LEMD2: variants seen among roughly 807,000 people sequenced by gnomAD.
LEMD2 encodes LEM domain-containing protein 2.
Under a neutral mutation model 58.8 loss-of-function variants are expected in LEMD2, and 34 were observed. The ratio of observed to expected loss-of-function variants is 0.58; its 90% CI spans 0.44 to 0.77. The LOEUF is 0.77. Ranked by LOEUF, LEMD2 falls within the 30% of genes least tolerant of loss-of-function variation. The probability of loss-of-function intolerance (pLI) is 0.00; values close to 1 mark genes in which losing one functional copy is unlikely to be tolerated. For missense variants in LEMD2, 629 were observed against 717.9 expected (o/e 0.88, Z 1.42); for synonymous variants, 298 against 308.9 (o/e 0.96, Z 0.37).
At chr6:33,787,105 T>C in intron 1 of LEMD2, 1 of 326,538 alleles carries the variant, frequency 3.1e-6, no homozygotes, top group Non-Finnish European at 5.6e-6. Context: ...CTCAGGGAGT[T>C]AGGCCCAAAC....
chr6:33,776,720 TTC>T, intron 8 of LEMD2: 1 of 549,586 alleles, frequency 1.8e-6, no homozygotes, highest in Admixed American at 3.1e-5. Context: ...ACTGCCAGTG[TTC>T]TCTCTACAGA....
chr6:33,777,226 C>T lies in LEMD2; in HGVS notation c.1170G>A (p.Leu390=). The T allele has an allele frequency of 6.2e-7, 1 of 1,613,700 alleles. No homozygotes were observed. Among genetic ancestry groups the T allele is most frequent in the South Asian group, 1.1e-5 (1 of 91,074 alleles). ...VLIFFWCLAF[L]WGLLILLKYR... ...ATTTTAGGAGAATTAGGAGCCCCCA[C>T]AAAAAAGCCAAGCCTGTGAGGGAAC... Residue 390 remains leucine (L), a synonymous_variant, in exon 7 of 9, where the codon TTG becomes TTA. Transcript: ENST00000293760.
In LEMD2 at chr6:33,789,096, C is replaced by A; in HGVS notation, c.21G>T (p.Leu7=). ...GGGCCTGCAGCTCCCGCCGCAGTTC[C>A]AGGTCCGACAGGCCGGCCATGGCCA... MAGLSD[L]ELRRELQALG... Residue 7 remains leucine (L), a synonymous_variant, in exon 1 of 9, where the codon CTG becomes CTT. Transcript: ENST00000293760. The A allele has an allele frequency of 6.5e-7, 1 of 1,537,404 alleles. No homozygotes were observed. Among genetic ancestry groups the A allele is most frequent in the Middle Eastern group, 2.1e-4 (1 of 4,806 alleles).
Position 33,788,657 on chromosome 6 carries a change from C to A in LEMD2, c.460G>T (p.Gly154Cys). 1 of 1,297,842 alleles carries A rather than the reference C, an allele frequency of 7.7e-7. No homozygotes were observed. Among genetic ancestry groups the A allele is most frequent in the East Asian group, 3.2e-5 (1 of 31,404 alleles). The allele number at this position is 1,297,842 out of a possible 1,614,324, so 80.4% of individuals were successfully genotyped here. A position where few individuals can be genotyped will look rare whatever the true frequency, so the allele number is the denominator to read the frequency against. ...DARTPDRATQ[G>C]PGLAARRWWA... Reference sequence around the variant, plus strand: ...CAGCGGCGGGCCGCGAGACCCGGGCCCTGCGTGGCCCTGTCGGGCGTCCGG... The same window carrying A: ...CAGCGGCGGGCCGCGAGACCCGGGCACTGCGTGGCCCTGTCGGGCGTCCGG... The change falls in exon 1 of 9, where the codon GGC becomes TGC. Residue 154 changes from glycine to cysteine, a missense_variant. By Grantham distance (159) the Gly-to-Cys change is radical. Coordinates refer to ENST00000293760, the MANE Select transcript of LEMD2 (RefSeq NM_181336.4).
At chr6:33,773,602 G>GGT (rs747966461) in intron 8 of LEMD2, among the ~76,000 whole-genome samples, 1 of 151,578 alleles carries the variant, frequency 6.6e-6, no homozygotes, top group African/African-American at 2.4e-5. Flanking sequence ...GGCGGGGGGG[G>GGT]GGCTAGGGCT....
Position 33,771,770 on chromosome 6 carries a change from C to T in LEMD2, c.*858G>A, listed in dbSNP as rs2127376343. On this transcript the variant is annotated 3_prime_UTR_variant, in exon 9 of 9. Coordinates refer to ENST00000293760, the MANE Select transcript of LEMD2 (RefSeq NM_181336.4). ...CGGCTGCGCTGAAGTTCTTGTTAAA[C>T]AGCCCCGCGTCGGGGCTGTGGTCAC... 6.6e-6 allele frequency: 1 copy of T among 152,338 alleles called. No individual in the cohort carries two copies. Among genetic ancestry groups the T allele is most frequent in the East Asian group, 1.9e-4 (1 of 5,176 alleles). 9.4% of individuals were successfully genotyped at this position (152,338 alleles called of 1,614,324 possible). A position where few individuals can be genotyped will look rare whatever the true frequency, so the allele number is the denominator to read the frequency against.
At chr6:33,780,519 G>A (rs1767541605) in intron 4 of LEMD2, among the ~76,000 whole-genome samples, 1 of 152,174 alleles carries the variant, frequency 6.6e-6, no homozygotes, top group Non-Finnish European at 1.5e-5. Context: ...GCTGGGGGTG[G>A]GTGAGCCCAG....
chr6:33,781,143 C>G lies in LEMD2; in HGVS notation c.864G>C (p.Glu288Asp). ...TTTTTAGATTCTCTGGATTTCCACA[C>G]TCAAAATTACCTAGGAGAAAAAAAA... ...NFLAIQAGNFECGNPENLKSK... is the reference protein window; with the variant it reads ...NFLAIQAGNFDCGNPENLKSK... Residue 288 changes from glutamate to aspartate, a missense_variant, in exon 4 of 9, where the codon GAG becomes GAC. Coordinates refer to ENST00000293760, the MANE Select transcript of LEMD2 (RefSeq NM_181336.4). 6.2e-7 allele frequency: 1 copy of G among 1,605,120 alleles called. No homozygotes were observed. The highest frequency in any genetic ancestry group is 8.5e-7 in the Non-Finnish European group (1 of 1,174,472).
chr6:33,772,829 C>T, intron 8 of LEMD2, 51 bp from the exon 9 acceptor site: 1 of 1,529,260 alleles, frequency 6.5e-7, no homozygotes. Flanking sequence ...GTGAGCCAGC[C>T]TGTGGATGCC....
chr6:33,781,224 G>GC, intron 3 of LEMD2, 71 bp from the exon 4 acceptor site: 1 of 998,690 alleles, frequency 1.0e-6, no homozygotes, highest in African/African-American at 1.6e-5. Flanking sequence ...AAAAAATGCA[G>GC]CAAGAATCAA....
At position 33,788,943 on chromosome 6, in the gene LEMD2, G is replaced by A; in HGVS notation, c.174C>T (p.Gly58=). The A allele has an allele frequency of 6.6e-7, 1 of 1,506,636 alleles. No homozygotes were observed. Among genetic ancestry groups the A allele is most frequent in the Non-Finnish European group, 8.8e-7 (1 of 1,135,564 alleles). The allele number at this position is 1,506,636 out of a possible 1,614,324, so 93.3% of individuals were successfully genotyped here. Residue 58 remains glycine (G), a synonymous_variant, in exon 1 of 9, where the codon GGC becomes GGT. Transcript: ENST00000293760. ...GGGCCTCTTCCCGTAACCGCTCCTCGCCCCGCGGCCGGGCCTCCTCCCGCA... is the reference window on the plus strand; with the variant it reads ...GGGCCTCTTCCCGTAACCGCTCCTCACCCCGCGGCCGGGCCTCCTCCCGCA... ...ERLREEARPR[G]EERLREEARL... is the part of the protein sequence containing the mutation.
In LEMD2 at chr6:33,788,815, G is replaced by T. The variant is rs1274188175; in HGVS notation, c.302C>A (p.Pro101His). ...GGGCCGGATATCACCGTAGGCCCCA[G>T]GGGTCGCGTAGGCCGAGCCCGAGGC... is the stretch of plus-strand genomic sequence containing the variant. The part of the protein sequence containing the change: ...QPASGSAYAT[P>H]GAYGDIRPSA... The change falls in exon 1 of 9, where the codon CCT becomes CAT. Residue 101 changes from proline to histidine, a missense_variant. This residue lies in a region of LEMD2 where 386 missense variants were observed against 381.1 expected (regional missense o/e 1.01). Transcript: ENST00000293760. 4.9e-6 allele frequency: 7 copies of T among 1,442,472 alleles called. No homozygotes were observed. The South Asian group carries it at 8.1e-5, about 17-fold the overall frequency. 89.4% of individuals were successfully genotyped at this position (1,442,472 alleles called of 1,614,324 possible). A position where few individuals can be genotyped will look rare whatever the true frequency, so the allele number is the denominator to read the frequency against.
chr6:33,788,236 G>C, intron 1 of LEMD2, 145 bp downstream of exon 1: 1 of 861,306 alleles, frequency 1.2e-6, no homozygotes, highest in Non-Finnish European at 1.7e-6. Context: ...CCCACAGCTG[G>C]AAGAAGGCAG....
intron 8 of LEMD2, among the ~76,000 whole-genome samples, chr6:33,774,942 A>G (rs980184360): frequency 6.6e-6 from 1 of 151,560 alleles, no homozygotes; most frequent in Non-Finnish European, 1.5e-5. Context: ...GGCATGTAGT[A>G]GGTGCTCAAT....
intron 8 of LEMD2, 97 bp from the exon 9 acceptor site, chr6:33,772,875 A>T: frequency 8.9e-7 from 1 of 1,123,246 alleles, no homozygotes; most frequent in South Asian, 1.6e-5. Flanking sequence ...AGGCTCTGGC[A>T]TGGAATTTAT....
At position 33,776,942 on chromosome 6, in the gene LEMD2, C is replaced by A. The variant is rs1767443165; in HGVS notation, c.1361+12G>T. 1 of 1,610,290 alleles carries A rather than the reference C, an allele frequency of 6.2e-7. No individual in the cohort carries two copies. The highest frequency in any genetic ancestry group is 2.2e-5 in the East Asian group (1 of 44,878). ...TCTTACCTCACACCCAGCGCCCCAG[C>A]CAGGGACTCACCGGCTCTGTGGAGG... On this transcript the variant is annotated intron_variant, in intron 8 of 8. Transcript: ENST00000293760.
Position 33,786,481 on chromosome 6 carries a change from C to A in LEMD2, c.777+253G>T, listed in dbSNP as rs571964760. ...ATTGACTCAGGCAGATCAAAGTCCCCGATGCTACATTTGATGGGAAAGTGT... is the reference window on the plus strand; with the variant it reads ...ATTGACTCAGGCAGATCAAAGTCCCAGATGCTACATTTGATGGGAAAGTGT... On this transcript the variant is annotated intron_variant, in intron 2 of 8. Coordinates refer to ENST00000293760, the MANE Select transcript of LEMD2 (RefSeq NM_181336.4). 7.2e-5 allele frequency among the ~76,000 whole-genome samples: 11 copies of A among 152,264 alleles called. No individual in the cohort carries two copies. In the South Asian group the frequency reaches 2.1e-3, roughly 29 times the overall value.
Position 33,778,224 on chromosome 6 carries a change from AG to A in LEMD2, c.1156+17del. ...GCTTGACTGCACAGAAGGGGAGGGA[AG>A]GCGGCCGAGGACTTACACCAGAAGA... is the stretch of plus-strand genomic sequence containing the variant. On this transcript the variant is annotated intron_variant, in intron 6 of 8. Transcript: ENST00000293760. This position sits in a 1 kb window ranked among gnomAD's most constrained non-coding sequence, Gnocchi z 4.7. The A allele has an allele frequency of 1.3e-6, 2 of 1,567,756 alleles. No individual in the cohort carries two copies. The highest frequency in any genetic ancestry group is 1.7e-6 in the Non-Finnish European group (2 of 1,154,992).
intron 5 of LEMD2, 98 bp downstream of exon 5, chr6:33,780,002 A>G: frequency 1.9e-6 from 2 of 1,049,840 alleles, no homozygotes; most frequent in Non-Finnish European, 1.4e-6. Context: ...CTCCAGCTTC[A>G]GACCTGAGAC....
Sources: allele counts gnomAD v4.1 joint callset (sites outside exome capture counted in the v4.1 genomes callset), GRCh38; gene constraint gnomAD v4.1.1; regional missense constraint gnomAD v4.1.1; non-coding constraint Gnocchi (gnomAD v3.1); transcripts MANE v1.5; gene names NCBI Gene and HGNC (gene_info 2026-07-23, HGNC 2026-07-21).